Variants in NRXN1 observed in about 807,000 individuals in gnomAD.
NRXN1 encodes the protein neurexin-1.
In NRXN1, 39 loss-of-function variants were observed where a neutral mutation model predicts 150.9. That is an observed-to-expected ratio of 0.26 (90% confidence interval 0.20 to 0.34). The LOEUF (loss-of-function observed/expected upper bound fraction) is 0.34. NRXN1 is among the 10% of genes least tolerant of loss of function. NRXN1 has a pLI of 1.00. For synonymous variants in NRXN1, 924 were observed against 757.0 expected (o/e 1.22, Z -3.62); for missense variants, 1,815 against 1,949.9 (o/e 0.93, Z 1.30).
intron 17 of NRXN1, among the ~76,000 whole-genome samples, chr2:50,331,822 T>G (rs941832273): frequency 6.6e-6 from 1 of 152,180 alleles, no homozygotes; most frequent in African/African-American, 2.4e-5. Context: ...AGTCGTAAGT[T>G]GAAGATATTA....
At chr2:50,424,157 A>AGGGGAGGAGGAGGAG (rs2084260043) in intron 17 of NRXN1, among the ~76,000 whole-genome samples, 1 of 54,678 alleles carries the variant, frequency 1.8e-5, no homozygotes, top group Non-Finnish European at 3.3e-5. Context: ...GGGAGGAGGA[A>AGGGGAGGAGGAGGAG]GGGGAGGAGG....
intron 2 of NRXN1, among the ~76,000 whole-genome samples, chr2:50,965,091 C>G (rs1391634874): frequency 6.6e-6 from 1 of 151,288 alleles, no homozygotes; most frequent in Non-Finnish European, 1.5e-5. Context: ...ATATGAGTGT[C>G]GCAACCATTC....
At chr2:50,929,169 C>T (rs541269848) in intron 2 of NRXN1, among the ~76,000 whole-genome samples, 20 of 152,016 alleles carry the variant, frequency 1.3e-4, no homozygotes, top group Admixed American at 6.6e-5. Flanking sequence ...AATGCAAGGA[C>T]AGTAACTTTA....
chr2:50,327,812 G>T (rs2152980484), intron 17 of NRXN1, among the ~76,000 whole-genome samples: 1 of 152,060 alleles, frequency 6.6e-6, no homozygotes, highest in South Asian at 2.1e-4. Context: ...ACCTTGCCTG[G>T]CTAATTTTTG....
chr2:50,987,909 C>A (rs1697965218), intron 2 of NRXN1, among the ~76,000 whole-genome samples: 1 of 151,932 alleles, frequency 6.6e-6, no homozygotes, highest in Admixed American at 6.6e-5. Flanking sequence ...GGACGTTATT[C>A]CAATGATCCT....
At chr2:50,011,317 G>A (rs1029686379) in intron 21 of NRXN1, among the ~76,000 whole-genome samples, 4 of 152,144 alleles carry the variant, frequency 2.6e-5, no homozygotes, top group Non-Finnish European at 5.9e-5. Flanking sequence ...AAGATTTGGA[G>A]CTGTGCTCAA....
chr2:50,748,782 T>C (rs996229385), intron 5 of NRXN1, among the ~76,000 whole-genome samples: 3 of 152,046 alleles, frequency 2.0e-5, no homozygotes, highest in African/African-American at 7.2e-5. Flanking sequence ...TCAAAATAAT[T>C]AACTGCTTGA....
At chr2:50,954,903 G>T (rs915396410) in intron 2 of NRXN1, among the ~76,000 whole-genome samples, 2 of 152,134 alleles carry the variant, frequency 1.3e-5, no homozygotes, top group African/African-American at 4.8e-5. Context: ...CCAGGACCTG[G>T]AGAGATTGGT....
chr2:50,214,587 T>C (rs202106237), intron 18 of NRXN1, among the ~76,000 whole-genome samples: 1 of 151,952 alleles, frequency 6.6e-6, no homozygotes, highest in East Asian at 1.9e-4. Flanking sequence ...TAAAACAGAA[T>C]TTTAAGATAA....
At chr2:50,635,386 C>T (rs1238946560) in intron 5 of NRXN1, among the ~76,000 whole-genome samples, 1 of 150,754 alleles carries the variant, frequency 6.6e-6, no homozygotes, top group Non-Finnish European at 1.5e-5. Context: ...AGGATGGTCT[C>T]GATCTCCTGA....
intron 8 of NRXN1, among the ~76,000 whole-genome samples, chr2:50,593,283 C>T (rs1021457943): frequency 1.3e-5 from 2 of 152,214 alleles, no homozygotes; most frequent in Non-Finnish European, 2.9e-5. Flanking sequence ...GTCAGCCCAG[C>T]TCCACCTCAG....
chr2:50,355,957 C>T (rs887566056), intron 17 of NRXN1, among the ~76,000 whole-genome samples: 1 of 151,826 alleles, frequency 6.6e-6, no homozygotes, highest in African/African-American at 2.4e-5. Context: ...GAAGTTTAGG[C>T]TTAATTTTAA....
chr2:50,816,628 T>A (rs1042150146), intron 5 of NRXN1, among the ~76,000 whole-genome samples: 16 of 152,138 alleles, frequency 1.1e-4, no homozygotes, highest in African/African-American at 3.6e-4. Flanking sequence ...AGGGCCTGTA[T>A]CTTCAAAGAA....
chr2:50,026,667 A>G (rs1047878511), intron 21 of NRXN1, among the ~76,000 whole-genome samples: 1 of 152,066 alleles, frequency 6.6e-6, no homozygotes, highest in Admixed American at 6.6e-5. Flanking sequence ...AAAAAATTCT[A>G]TGCCTGAAGT....
At chr2:50,361,219 C>G (rs906485136) in intron 17 of NRXN1, among the ~76,000 whole-genome samples, 1 of 151,914 alleles carries the variant, frequency 6.6e-6, no homozygotes, top group African/African-American at 2.4e-5. Flanking sequence ...GAAGCAAGGT[C>G]AAACAAATTC....
At chr2:50,025,374 A>T (rs577083218) in intron 21 of NRXN1, among the ~76,000 whole-genome samples, 9 of 152,188 alleles carry the variant, frequency 5.9e-5, no homozygotes, top group African/African-American at 9.7e-5. Context: ...AAGTAAGAAG[A>T]CTGGCTTATA....
chr2:50,200,134 A>T (rs2152832376), intron 18 of NRXN1, among the ~76,000 whole-genome samples: 1 of 152,246 alleles, frequency 6.6e-6, no homozygotes, highest in East Asian at 1.9e-4. Flanking sequence ...AAATATTTTG[A>T]TTCAGCAATG....
intron 17 of NRXN1, among the ~76,000 whole-genome samples, chr2:50,447,974 C>T (rs915645470): frequency 6.6e-5 from 10 of 151,612 alleles, no homozygotes; most frequent in African/African-American, 1.9e-4. Flanking sequence ...GTAAAATATA[C>T]TGTGTTCATT....
At chr2:50,935,609 T>G (rs1183389806) in intron 2 of NRXN1, among the ~76,000 whole-genome samples, 1 of 151,890 alleles carries the variant, frequency 6.6e-6, no homozygotes, top group African/African-American at 2.4e-5. Flanking sequence ...CACCTGTAAT[T>G]CCAGCTACTC....
Sources: gnomAD v4.1 joint callset for allele counts (sites outside exome capture counted in the v4.1 genomes callset) on GRCh38, gnomAD v4.1.1 for gene constraint, MANE v1.5 for transcripts, NCBI Gene and HGNC (gene_info 2026-07-23, HGNC 2026-07-21) for gene names.